GABBR2: variants seen among roughly 807,000 people sequenced by gnomAD.
GABBR2 encodes gamma-aminobutyric acid type B receptor subunit 2, also known as G-protein coupled receptor 51.
Under a neutral mutation model 105.6 loss-of-function variants are expected in GABBR2, and 23 were observed. The ratio of observed to expected loss-of-function variants is 0.22; its 90% CI spans 0.16 to 0.31. The LOEUF (loss-of-function observed/expected upper bound fraction) is 0.31. GABBR2 is among the 10% of genes least tolerant of loss of function. The pLI, the probability that GABBR2 is intolerant of heterozygous loss-of-function variation, is 1.00. For synonymous variants in GABBR2, 478 were observed against 499.7 expected, an observed-to-expected ratio of 0.96 and a Z score of 0.58; for missense variants, 734 against 1,245.5, an observed-to-expected ratio of 0.59 and a Z score of 6.18.
intron 8 of GABBR2, among the ~76,000 whole-genome samples, chr9:98,401,731 G>A (rs1832398154): frequency 2.0e-5 from 3 of 152,314 alleles, no homozygotes; most frequent in South Asian, 4.1e-4. Flanking sequence ...AGCCTCAAGA[G>A]TCTCAAAGTA....
At chr9:98,319,451 A>ATT (rs35941189) in intron 13 of GABBR2, among the ~76,000 whole-genome samples, 35,576 of 145,186 alleles carry the variant, frequency 0.25, 5,104 homozygotes, top group South Asian at 0.32. Context: ...AGTTTGGGTG[A>ATT]TTTTTTTTTT....
intron 3 of GABBR2, among the ~76,000 whole-genome samples, chr9:98,519,537 G>A (rs1041799968): frequency 3.9e-5 from 6 of 152,190 alleles, no homozygotes; most frequent in Non-Finnish European, 8.8e-5. Flanking sequence ...TGCGGGCATG[G>A]GTGTAAACCC....
intron 9 of GABBR2, among the ~76,000 whole-genome samples, chr9:98,391,122 C>T (rs1832172991): frequency 6.6e-6 from 1 of 152,198 alleles, no homozygotes; most frequent in Non-Finnish European, 1.5e-5. Flanking sequence ...CAACTCCCAT[C>T]TGTCAGGCCT....
intron 13 of GABBR2, among the ~76,000 whole-genome samples, chr9:98,344,278 C>A (rs1831267111): frequency 6.6e-6 from 1 of 152,202 alleles, no homozygotes; most frequent in Non-Finnish European, 1.5e-5. Flanking sequence ...ATGTCCAACA[C>A]CTACTCACCG....
At chr9:98,424,799 CG>C (rs1832845045) in intron 7 of GABBR2, among the ~76,000 whole-genome samples, 1 of 152,062 alleles carries the variant, frequency 6.6e-6, no homozygotes, top group Admixed American at 6.6e-5. Flanking sequence ...CTCTTCAAGG[CG>C]AACTACAAAC....
At chr9:98,323,247 A>T (rs559672924) in intron 13 of GABBR2, among the ~76,000 whole-genome samples, 7 of 152,308 alleles carry the variant, frequency 4.6e-5, no homozygotes, top group Middle Eastern at 3.4e-3. Context: ...GGGCCCCACG[A>T]CAGTGCTCTC....
At chr9:98,340,130 T>G (rs896621755) in intron 13 of GABBR2, among the ~76,000 whole-genome samples, 1 of 151,492 alleles carries the variant, frequency 6.6e-6, no homozygotes, top group Admixed American at 6.6e-5. Flanking sequence ...TGGTTCTCAG[T>G]GGACAAGTGC....
intron 17 of GABBR2, among the ~76,000 whole-genome samples, chr9:98,298,489 T>C (rs1381142997): frequency 3.3e-5 from 5 of 152,234 alleles, no homozygotes; most frequent in Non-Finnish European, 7.3e-5. Context: ...AGGTTTAACA[T>C]GGAGCATTTA....
intron 7 of GABBR2, among the ~76,000 whole-genome samples, chr9:98,414,655 T>C (rs1161049181): frequency 5.9e-5 from 9 of 152,130 alleles, no homozygotes; most frequent in Admixed American, 2.0e-4. Flanking sequence ...GTTGACCAAA[T>C]TCATTTCCTT....
At chr9:98,553,270 T>C (rs368005797) in intron 2 of GABBR2, among the ~76,000 whole-genome samples, 75 of 152,090 alleles carry the variant, frequency 4.9e-4, no homozygotes, top group Middle Eastern at 3.4e-3. Context: ...CAGGGAGGTA[T>C]AGTGACTTGC....
chr9:98,562,723 T>C (rs2131763294), intron 2 of GABBR2, among the ~76,000 whole-genome samples: 1 of 152,126 alleles, frequency 6.6e-6, no homozygotes, highest in South Asian at 2.1e-4. Flanking sequence ...TTAAAGTAAC[T>C]TTCAAAATAA....
intron 1 of GABBR2, among the ~76,000 whole-genome samples, chr9:98,600,099 T>C (rs1403874103): frequency 2.0e-5 from 3 of 152,034 alleles, no homozygotes; most frequent in African/African-American, 7.2e-5. Context: ...AAATCATCCA[T>C]CATAAAAAGC....
At chr9:98,685,532 A>G (rs1830609759) in intron 1 of GABBR2, among the ~76,000 whole-genome samples, 1 of 152,224 alleles carries the variant, frequency 6.6e-6, no homozygotes, top group African/African-American at 2.4e-5. Flanking sequence ...TCAAGCCCTC[A>G]GTGCACACCT....
At chr9:98,294,774 A>G (rs1448392891) in intron 17 of GABBR2, among the ~76,000 whole-genome samples, 1 of 152,188 alleles carries the variant, frequency 6.6e-6, no homozygotes. Flanking sequence ...CGCTGCGCCC[A>G]GCCACAACCT....
intron 1 of GABBR2, among the ~76,000 whole-genome samples, chr9:98,594,745 C>T (rs1457975959): frequency 3.9e-5 from 6 of 152,248 alleles, no homozygotes; most frequent in Admixed American, 1.3e-4. Context: ...AAGTCCACAT[C>T]TGATAGGGGA....
At chr9:98,596,275 A>C (rs1829232400) in intron 1 of GABBR2, among the ~76,000 whole-genome samples, 1 of 152,262 alleles carries the variant, frequency 6.6e-6, no homozygotes, top group Non-Finnish European at 1.5e-5. Flanking sequence ...GGCTGGAAAG[A>C]GTGCTGGCAC....
intron 13 of GABBR2, among the ~76,000 whole-genome samples, chr9:98,350,964 C>T (rs753412715): frequency 2.6e-5 from 4 of 152,164 alleles, no homozygotes; most frequent in East Asian, 1.9e-4. Flanking sequence ...CTTGATGAAT[C>T]GATCCCTTTA....
In GABBR2 at chr9:98,423,923, C is replaced by T. The variant is rs529840808; in HGVS notation, c.1237-17782G>A. ...CAAAGATCAGATAGTTGTAGATATG[C>T]GGCGTTATTTCTGAGGGCTCCGTTC... On this transcript the variant is annotated intron_variant, in intron 7 of 18. Coordinates refer to ENST00000259455, the MANE Select transcript of GABBR2 (RefSeq NM_005458.8). Among the ~76,000 whole-genome samples the T allele has an allele frequency of 3.2e-4, 48 of 152,168 alleles. 1 individual carries two copies. The East Asian group carries it at 6.6e-3, about 21-fold the overall frequency.
intron 16 of GABBR2, among the ~76,000 whole-genome samples, chr9:98,301,899 A>G (rs1393924092): frequency 6.6e-6 from 1 of 152,192 alleles, no homozygotes; most frequent in Non-Finnish European, 1.5e-5. Context: ...AGGTGCACAG[A>G]CAACTGTATG....
Sources: gnomAD v4.1 joint callset for allele counts (sites outside exome capture counted in the v4.1 genomes callset) on GRCh38, gnomAD v4.1.1 for gene constraint, MANE v1.5 for transcripts, NCBI Gene and HGNC (gene_info 2026-07-23, HGNC 2026-07-21) for gene names.